DNASE1L3: variants seen among roughly 807,000 people sequenced by gnomAD.
DNASE1L3 encodes deoxyribonuclease 1L3, also known as deoxyribonuclease gamma.
DNASE1L3 carries 27 observed loss-of-function variants against 30.9 expected under a neutral mutation model. The ratio of observed to expected loss-of-function variants is 0.87; its 90% CI spans 0.64 to 1.20. The LOEUF (loss-of-function observed/expected upper bound fraction) is 1.20. DNASE1L3 is among the 50% of genes most tolerant of loss of function. The pLI is 0.00. For missense variants in DNASE1L3, 364 were observed against 378.2 expected (o/e 0.96, Z 0.31); for synonymous variants, 135 against 138.0 (o/e 0.98, Z 0.15).
At chr3:58,206,936 C>G (rs909214981) in intron 2 of DNASE1L3, among the ~76,000 whole-genome samples, 1 of 152,116 alleles carries the variant, frequency 6.6e-6, no homozygotes, top group African/African-American at 2.4e-5. Context: ...CTTGCCTGTC[C>G]CTACAATTGT....
At position 58,197,803 on chromosome 3, in the gene DNASE1L3, C is replaced by A. The variant is rs756526411; in HGVS notation, c.704+18G>T. On this transcript the variant is annotated intron_variant, in intron 6 of 7. Coordinates refer to ENST00000394549, the MANE Select transcript of DNASE1L3 (RefSeq NM_004944.4). The surrounding 1 kb of genome is among the most constrained non-coding windows in gnomAD (Gnocchi z 5.3). ...CAAGCACTGTGGTGAGCCAGCAGCA[C>A]CCTGCAGGGCCTCCTACCTGTCATA... 1.5e-5 allele frequency: 24 copies of A among 1,613,040 alleles called. No homozygotes were observed. The highest frequency in any genetic ancestry group is 1.9e-5 in the Non-Finnish European group (22 of 1,179,976).
intron 4 of DNASE1L3, among the ~76,000 whole-genome samples, chr3:58,202,209 A>C (rs1575497986): frequency 4.7e-5 from 7 of 149,970 alleles, no homozygotes; most frequent in Admixed American, 4.6e-4. Flanking sequence ...GCAATGGCAC[A>C]ATTTCGGCTC....
Position 58,204,754 on chromosome 3 carries a change from CTG to C in DNASE1L3, c.433+13_433+14del, listed in dbSNP as rs1423009577. 6.2e-7 allele frequency: 1 copy of C among 1,612,306 alleles called. No individual in the cohort carries two copies. Among genetic ancestry groups the C allele is most frequent in the African/African-American group, 1.3e-5 (1 of 74,870 alleles). ...TTGGGGAGGTCCCAGACAGAAAGGCCTGTGTGGGTCTTACCAGTGTGGGGAGA... is the reference window on the plus strand; with the variant it reads ...TTGGGGAGGTCCCAGACAGAAAGGCCTGTGGGTCTTACCAGTGTGGGGAGA... On this transcript the variant is annotated intron_variant, in intron 4 of 7. Transcript: ENST00000394549.
chr3:58,193,144 T>G (rs1025008121), intron 7 of DNASE1L3, 199 bp downstream of exon 7: 2 of 1,439,056 alleles, frequency 1.4e-6, no homozygotes, highest in Non-Finnish European at 1.8e-6. Context: ...TGGTGCGATC[T>G]TGGCTCACTG....
In DNASE1L3 at chr3:58,192,575, A is replaced by G; in HGVS notation, c.*112T>C. The G allele has an allele frequency of 1.7e-6, 2 of 1,194,402 alleles. No individual in the cohort carries two copies. The highest frequency in any genetic ancestry group is 3.1e-5 in the African/African-American group (2 of 64,678). The allele number at this position is 1,194,402 out of a possible 1,614,324, so 74.0% of individuals were successfully genotyped here. On this transcript the variant is annotated 3_prime_UTR_variant, in exon 8 of 8. Transcript: ENST00000394549. The surrounding 1 kb of genome is among the most constrained non-coding windows in gnomAD (Gnocchi z 4.8). Reference sequence around the variant, plus strand: ...CAAGTCAGAATAAATTCAGGTCAAAAAATGAAAGCAGTTGGATCACTCTTG... The same window carrying G: ...CAAGTCAGAATAAATTCAGGTCAAAGAATGAAAGCAGTTGGATCACTCTTG...
chr3:58,199,391 C>T (rs1298403630), intron 5 of DNASE1L3, among the ~76,000 whole-genome samples: 1 of 152,196 alleles, frequency 6.6e-6, no homozygotes, highest in Non-Finnish European at 1.5e-5. Context: ...ACATCCCAGC[C>T]AGGCGCCGTG....
chr3:58,201,897 T>C (rs533377841), intron 4 of DNASE1L3, among the ~76,000 whole-genome samples: 1 of 152,304 alleles, frequency 6.6e-6, no homozygotes, highest in South Asian at 2.1e-4. Flanking sequence ...GAGAAAACTT[T>C]TTATCTGAAT....
chr3:58,208,301 G>C lies in DNASE1L3; in HGVS notation c.147C>G (p.Ile49Met). The change falls in exon 2 of 8, where the codon ATC becomes ATG. Residue 49 changes from isoleucine (I) to methionine (M), a missense_variant. Ile to Met is a conservative substitution (Grantham distance 10). Transcript: ENST00000394549. ...TCACGAGTATGATGTCACAGCGTTT[G>C]ATGACCTGCAAGAAAGAGAATTCCC... Reference protein sequence around the residue: ...KNAMDVIVKVIKRCDIILVME... With the variant: ...KNAMDVIVKVMKRCDIILVME... 1 of 1,614,222 alleles carries C rather than the reference G, an allele frequency of 6.2e-7. No individual in the cohort carries two copies. The highest frequency in any genetic ancestry group is 1.7e-5 in the Admixed American group (1 of 60,024).
At chr3:58,206,975 A>AGCCCAGAGCCTGGGGGATGATG (rs1288535224) in intron 2 of DNASE1L3, among the ~76,000 whole-genome samples, 1 of 152,132 alleles carries the variant, frequency 6.6e-6, no homozygotes, top group African/African-American at 2.4e-5. Flanking sequence ...ATGATGGATA[A>AGCCCAGAGCCTGGGGGATGATG]GCCCAGAGCC....
At chr3:58,196,716 C>G (rs1436428216) in intron 6 of DNASE1L3, among the ~76,000 whole-genome samples, 2 of 152,084 alleles carry the variant, frequency 1.3e-5, no homozygotes, top group Non-Finnish European at 2.9e-5. Flanking sequence ...CACCTGTGGT[C>G]TCTGTGATGG....
chr3:58,197,704 A>G lies in DNASE1L3; in HGVS notation c.704+117T>C. 1 of 1,390,252 alleles carries G rather than the reference A, an allele frequency of 7.2e-7. No individual in the cohort carries two copies. Among genetic ancestry groups the G allele is most frequent in the Non-Finnish European group, 1.0e-6 (1 of 997,682 alleles). 86.1% of individuals were successfully genotyped at this position (1,390,252 alleles called of 1,614,324 possible). Reference sequence around the variant, plus strand: ...CTGTACTCAAGCGATCCATCCATCGAGGCCTCCCAAAGTGCTAGGACTACT... The same window carrying G: ...CTGTACTCAAGCGATCCATCCATCGGGGCCTCCCAAAGTGCTAGGACTACT... On this transcript the variant is annotated intron_variant, in intron 6 of 7. Coordinates refer to ENST00000394549, the MANE Select transcript of DNASE1L3 (RefSeq NM_004944.4). This position sits in a 1 kb window ranked among gnomAD's most constrained non-coding sequence, Gnocchi z 5.3.
intron 6 of DNASE1L3, among the ~76,000 whole-genome samples, 182 bp from the exon 7 acceptor site, chr3:58,193,621 G>T (rs907638705): frequency 1.3e-5 from 2 of 152,212 alleles, no homozygotes; most frequent in Non-Finnish European, 2.9e-5. Context: ...TGTGAAATAG[G>T]ATCAGTCCCT....
chr3:58,197,911 A>T lies in DNASE1L3; in HGVS notation c.614T>A (p.Ile205Asn). 1 of 1,614,116 alleles carries T rather than the reference A, an allele frequency of 6.2e-7. No homozygotes were observed. ...AAACCTGGGGTCAGTCCTCAAGCGG[A>T]TGTTCTTCCAGGCCTTCTTGGGGAC... ...SYVPKKAWKNIRLRTDPRFVW... is the reference protein window; with the variant it reads ...SYVPKKAWKNNRLRTDPRFVW... The change falls in exon 6 of 8, where the codon ATC (isoleucine) becomes AAC (asparagine). Residue 205 changes from isoleucine to asparagine, a missense_variant. By Grantham distance (149) the Ile-to-Asn change is moderately radical. Transcript: ENST00000394549. The surrounding 1 kb of genome is among the most constrained non-coding windows in gnomAD (Gnocchi z 5.3).
intron 5 of DNASE1L3, among the ~76,000 whole-genome samples, chr3:58,198,581 G>A (rs2097398767): frequency 6.6e-6 from 1 of 152,168 alleles, no homozygotes; most frequent in Admixed American, 6.5e-5. Context: ...GTACCAGGGA[G>A]GATGTTCTTA....
chr3:58,201,034 T>C lies in DNASE1L3; in HGVS notation c.509A>G (p.Glu170Gly). The change falls in exon 5 of 8, where the codon GAG becomes GGG. Residue 170 changes from glutamate to glycine, a missense_variant. By Grantham distance (98) the Glu-to-Gly change is moderately conservative. Transcript: ENST00000394549. ...TSVKEIDELV[E>G]VYTDVKHRWK... The stretch of plus-strand genomic sequence containing the variant: ...GCGGTGTTTCACGTCCGTGTAGACC[T>C]CAACCAACTCATCGATCTCCTTAAC... 6.2e-7 allele frequency: 1 copy of C among 1,613,480 alleles called. No individual in the cohort carries two copies. The highest frequency in any genetic ancestry group is 2.2e-5 in the East Asian group (1 of 44,864).
rs759754450 is a variant in DNASE1L3, at chr3:58,193,368, T to C, written c.776A>G (p.Lys259Arg). 2 of 1,614,110 alleles carry C rather than the reference T, an allele frequency of 1.2e-6. No individual in the cohort carries two copies. Among genetic ancestry groups the C allele is most frequent in the Admixed American group, 1.7e-5 (1 of 60,012 alleles). ...CTCCTCTTCAGTCAGCTTGTAAGCT[T>C]TCTGGAAGTCAAAAACACTGTTTGA... ...PKSNSVFDFQ[K>R]AYKLTEEEAL... The change falls in exon 7 of 8, where the codon AAA (lysine) becomes AGA (arginine). Residue 259 changes from lysine to arginine, a missense_variant. Transcript: ENST00000394549.
At chr3:58,196,323 T>C (rs2097397327) in intron 6 of DNASE1L3, among the ~76,000 whole-genome samples, 1 of 150,560 alleles carries the variant, frequency 6.6e-6, no homozygotes, top group Admixed American at 6.6e-5. Flanking sequence ...GGCGGGCGGA[T>C]CACGAGGTCA....
chr3:58,203,829 G>A (rs1450463300), intron 4 of DNASE1L3, among the ~76,000 whole-genome samples: 1 of 152,010 alleles, frequency 6.6e-6, no homozygotes, highest in East Asian at 1.9e-4. Flanking sequence ...AAGAACATGA[G>A]CTCCTGAGGT....
At chr3:58,193,071 CCAT>C in intron 7 of DNASE1L3, 2 of 1,416,928 alleles carry the variant, frequency 1.4e-6, no homozygotes, top group Non-Finnish European at 1.8e-6. Flanking sequence ...TGGCATCAAC[CCAT>C]CTTTTTTTTT....
Sources: allele counts gnomAD v4.1 joint callset (sites outside exome capture counted in the v4.1 genomes callset), GRCh38; gene constraint gnomAD v4.1.1; non-coding constraint Gnocchi (gnomAD v3.1); transcripts MANE v1.5; gene names NCBI Gene and HGNC (gene_info 2026-07-23, HGNC 2026-07-21).